Variants in GRIP1 observed in about 807,000 individuals in gnomAD.
GRIP1 encodes the protein glutamate receptor-interacting protein 1.
In GRIP1, 45 loss-of-function variants were observed where a neutral mutation model predicts 129.9. The observed-to-expected ratio is 0.35, with a 90% CI of 0.27 to 0.44. The LOEUF (loss-of-function observed/expected upper bound fraction) is 0.44. GRIP1 is among the 20% of genes least tolerant of loss of function. The pLI, the probability that GRIP1 is intolerant of heterozygous loss-of-function variation, is 1.00. For missense variants in GRIP1, 1,196 were observed against 1,396.8 expected (o/e 0.86, Z 2.29); for synonymous variants, 530 against 520.8 (o/e 1.02, Z -0.24).
intron 1 of GRIP1, among the ~76,000 whole-genome samples, chr12:66,791,640 A>G (rs779775338): frequency 6.6e-6 from 1 of 152,188 alleles, no homozygotes; most frequent in Non-Finnish European, 1.5e-5. Flanking sequence ...TGAATACCTA[A>G]TCAAAGAATA....
At chr12:66,432,323 T>C (rs1005343461) in intron 14 of GRIP1, among the ~76,000 whole-genome samples, 2 of 152,172 alleles carry the variant, frequency 1.3e-5, no homozygotes, top group African/African-American at 2.4e-5. Flanking sequence ...GCTATCCTTA[T>C]TTTCATTTTA....
chr12:66,544,717 C>A (rs1023036980), intron 2 of GRIP1, among the ~76,000 whole-genome samples: 1 of 152,064 alleles, frequency 6.6e-6, no homozygotes, highest in Non-Finnish European at 1.5e-5. Context: ...TTGACTAAAT[C>A]TTTTATGGAT....
At chr12:66,376,984 A>C in intron 22 of GRIP1, 33 bp downstream of exon 22, 1 of 1,544,092 alleles carries the variant, frequency 6.5e-7, no homozygotes, top group Non-Finnish European at 9.0e-7. Flanking sequence ...AGGCAGCTTC[A>C]CAAGCAAAAA....
intron 1 of GRIP1, among the ~76,000 whole-genome samples, chr12:66,604,944 T>C (rs1446763706): frequency 6.6e-6 from 1 of 152,088 alleles, no homozygotes; most frequent in African/African-American, 2.4e-5. Context: ...TTTGATTTCA[T>C]GTAATGGCAA....
rs1316549833 is a variant in GRIP1, at chr12:66,349,042, G to C, written c.3364C>G (p.Arg1122Gly). ...QPSHGGNLETREPTNTL is the reference protein window; with the variant it reads ...QPSHGGNLETGEPTNTL ...TGCTATAATGTATTAGTGGGTTCTC[G>C]TGTCTCCAAATTACCACCGTGGCTA... Residue 1122 changes from arginine to glycine, a missense_variant, in exon 25 of 25, where the codon CGA becomes GGA. Physicochemically the swap from Arg to Gly is moderately radical, Grantham distance 125. This residue lies in a region of GRIP1 where 427 missense variants were observed against 463.3 expected (regional missense o/e 0.92). Coordinates refer to ENST00000359742, the MANE Select transcript of GRIP1 (RefSeq NM_001366722.1). 6.2e-7 allele frequency: 1 copy of C among 1,612,212 alleles called. No homozygotes were observed. The highest frequency in any genetic ancestry group is 1.1e-5 in the South Asian group (1 of 91,052).
intron 1 of GRIP1, among the ~76,000 whole-genome samples, chr12:66,939,495 AT>A (rs1364702949): frequency 6.6e-6 from 1 of 152,184 alleles, no homozygotes; most frequent in Non-Finnish European, 1.5e-5. Flanking sequence ...AATTCAATAC[AT>A]ATCCTGGCAA....
upstream of GRIP1, among the ~76,000 whole-genome samples, chr12:66,681,566 CT>C (rs2034585112): frequency 1.3e-5 from 2 of 152,164 alleles, no homozygotes; most frequent in South Asian, 4.1e-4. Flanking sequence ...AAGCATGTGT[CT>C]TTGGGACCTG....
chr12:67,036,715 C>T (rs1411037948), intron 1 of GRIP1, among the ~76,000 whole-genome samples: 1 of 151,956 alleles, frequency 6.6e-6, no homozygotes, highest in African/African-American at 2.4e-5. Context: ...CACTGCTGGC[C>T]CCTAAAATCC....
intron 1 of GRIP1, among the ~76,000 whole-genome samples, chr12:66,615,089 T>C (rs1413642820): frequency 6.6e-6 from 1 of 152,166 alleles, no homozygotes; most frequent in East Asian, 1.9e-4. Flanking sequence ...TACTAGAGTA[T>C]AAACTCCATA....
chr12:66,388,651 G>A (rs1473956137), intron 19 of GRIP1, among the ~76,000 whole-genome samples: 1 of 152,222 alleles, frequency 6.6e-6, no homozygotes, highest in African/African-American at 2.4e-5. Context: ...AGCTGACCTG[G>A]AGGCCAACTG....
At chr12:66,565,226 A>G (rs1191518742) in intron 2 of GRIP1, among the ~76,000 whole-genome samples, 1 of 152,086 alleles carries the variant, frequency 6.6e-6, no homozygotes, top group Non-Finnish European at 1.5e-5. Context: ...GGTATTGCCT[A>G]GGTTTTCTTC....
chr12:67,058,088 ATAG>A (rs1320073237), intron 1 of GRIP1, among the ~76,000 whole-genome samples: 2 of 152,254 alleles, frequency 1.3e-5, no homozygotes, highest in African/African-American at 4.8e-5. Context: ...AGTATCAGTA[ATAG>A]TAGATATAAA....
intron 2 of GRIP1, among the ~76,000 whole-genome samples, chr12:66,589,258 C>A (rs566771846): frequency 6.8e-6 from 1 of 148,106 alleles, no homozygotes; most frequent in Non-Finnish European, 1.5e-5. Context: ...CTCTTACTCT[C>A]GCTCTAGGTT....
chr12:66,465,335 A>G lies in GRIP1; in HGVS notation c.812T>C (p.Met271Thr). The G allele has an allele frequency of 2.5e-6, 4 of 1,613,878 alleles. No homozygotes were observed. The highest frequency in any genetic ancestry group is 3.4e-6 in the Non-Finnish European group (4 of 1,179,732). ...GACAATGACTTGTTTGTTACAGCACATCGAGGTAGTTAGGGCAACCCCAAG... is the reference window on the plus strand; with the variant it reads ...GACAATGACTTGTTTGTTACAGCACGTCGAGGTAGTTAGGGCAACCCCAAG... ...ASLGVALTTS[M>T]CCNKQVIVID... The change falls in exon 8 of 25, where the codon ATG becomes ACG. Residue 271 changes from methionine to threonine, a missense_variant. This residue lies in a region of GRIP1 where 508 missense variants were observed against 587.0 expected (regional missense o/e 0.87). Coordinates refer to ENST00000359742, the MANE Select transcript of GRIP1 (RefSeq NM_001366722.1).
intron 1 of GRIP1, among the ~76,000 whole-genome samples, chr12:66,712,176 C>G (rs1216880489): frequency 6.6e-6 from 1 of 151,764 alleles, no homozygotes; most frequent in Non-Finnish European, 1.5e-5. Flanking sequence ...ATTTATACTT[C>G]CAGATTTTAA....
chr12:66,432,169 A>G (rs2058168558), intron 14 of GRIP1, among the ~76,000 whole-genome samples: 1 of 152,154 alleles, frequency 6.6e-6, no homozygotes, highest in African/African-American at 2.4e-5. Context: ...TAGAGAATCT[A>G]TATGCATCTA....
At chr12:66,785,323 C>CATATATATAT (rs2038291950) in intron 1 of GRIP1, among the ~76,000 whole-genome samples, 1 of 55,978 alleles carries the variant, frequency 1.8e-5, no homozygotes, top group African/African-American at 6.4e-5. Context: ...TACATACATA[C>CATATATATAT]ATACATACAT....
chr12:66,879,364 C>T (rs142321641), intron 1 of GRIP1, among the ~76,000 whole-genome samples: 216 of 152,094 alleles, frequency 1.4e-3, no homozygotes, highest in African/African-American at 4.8e-3. Context: ...GGAACTCCCT[C>T]GATGAATCCA....
intron 1 of GRIP1, among the ~76,000 whole-genome samples, chr12:66,664,327 C>T (rs1185590329): frequency 4.6e-5 from 7 of 152,136 alleles, no homozygotes; most frequent in Non-Finnish European, 7.4e-5. Flanking sequence ...TGTAGTGAGT[C>T]AACAGAGAAA....
Sources: gnomAD v4.1 joint callset for allele counts (sites outside exome capture counted in the v4.1 genomes callset) on GRCh38, gnomAD v4.1.1 for gene constraint, gnomAD v4.1.1 regional missense constraint, MANE v1.5 for transcripts, NCBI Gene and HGNC (gene_info 2026-07-23, HGNC 2026-07-21) for gene names.